The following MLXIP variants were observed in gnomAD, a reference collection of about 807,000 sequenced individuals.
The protein encoded by MLXIP is MLX-interacting protein.
MLXIP carries 30 observed loss-of-function variants against 87.2 expected under a neutral mutation model. That is an observed-to-expected ratio of 0.34 (90% CI 0.26 to 0.47). The LOEUF (loss-of-function observed/expected upper bound fraction) is 0.47, where lower values mean the gene tolerates loss of function less well. MLXIP is among the 20% of genes least tolerant of loss of function. MLXIP has a pLI of 1.00. For missense variants in MLXIP, 1,002 were observed against 1,240.1 expected, an observed-to-expected ratio of 0.81 and a Z score of 2.88; for synonymous variants, 530 against 514.0, an observed-to-expected ratio of 1.03 and a Z score of -0.42.
At chr12:122,124,153 TGTCCCCCACCCTCAGCC>T (rs1196994145) in intron 1 of MLXIP, among the ~76,000 whole-genome samples, 1 of 119,960 alleles carries the variant, frequency 8.3e-6, no homozygotes, top group East Asian at 2.6e-4. Context: ...CCGCCTCAGC[TGTCCCCCACCCTCAGCC>T]GTCCCCCGCC....
At chr12:122,119,327 A>T (rs1952742220) in intron 1 of MLXIP, among the ~76,000 whole-genome samples, 1 of 152,210 alleles carries the variant, frequency 6.6e-6, no homozygotes, top group African/African-American at 2.4e-5. Context: ...GTTACCACAT[A>T]GAAATGTGTT....
intron 1 of MLXIP, among the ~76,000 whole-genome samples, chr12:122,087,543 C>T (rs1017825834): frequency 1.3e-5 from 2 of 152,136 alleles, no homozygotes; most frequent in African/African-American, 2.4e-5. Context: ...CAGAGGCCTT[C>T]GCTGGAGTGA....
At chr12:122,094,549 G>GTT (rs1952316645) in intron 1 of MLXIP, among the ~76,000 whole-genome samples, 1 of 144,916 alleles carries the variant, frequency 6.9e-6, no homozygotes, top group African/African-American at 2.6e-5. Context: ...GTTGGTGTGT[G>GTT]GGTGTGTTTG....
chr12:122,080,306 C>T (rs574585083), intron 1 of MLXIP, among the ~76,000 whole-genome samples: 3 of 152,132 alleles, frequency 2.0e-5, no homozygotes, highest in Non-Finnish European at 4.4e-5. Context: ...CGGGGGCTGT[C>T]TTAGGTCTGC....
In MLXIP at chr12:122,129,586, A is replaced by T; in HGVS notation, c.697-2A>T. The T allele has an allele frequency of 1.2e-6, 2 of 1,613,574 alleles. No homozygotes were observed. Among genetic ancestry groups the T allele is most frequent in the Non-Finnish European group, 1.7e-6 (2 of 1,179,796 alleles). The stretch of plus-strand genomic sequence containing the variant: ...CGCCGTGTCCTGTCCCTTTGCCCAC[A>T]GCTACAGCAGCACAAGGATGAGGAC... On this transcript the variant is annotated splice_acceptor_variant, in intron 4 of 16. Transcript: ENST00000319080. LOFTEE classifies it high-confidence loss of function.
Position 122,133,583 on chromosome 12 carries a change from C to T in MLXIP, c.1328C>T (p.Pro443Leu), listed in dbSNP as rs775659683. ...TMPLLSPSPA[P>L]PPISPVLPLV... ...CCCCTGCTGTCTCCCAGCCCCGCCC[C>T]ACCGCCCATCTCCCCCGTGTTACCA... Residue 443 changes from proline to leucine, a missense_variant, in exon 9 of 17, where the codon CCA becomes CTA. This residue lies in a region of MLXIP where 746 missense variants were observed against 897.0 expected (regional missense o/e 0.83). Coordinates refer to ENST00000319080, the MANE Select transcript of MLXIP (RefSeq NM_014938.6). This position sits in a 1 kb window ranked among gnomAD's most constrained non-coding sequence, Gnocchi z 4.9. 2 of 1,606,734 alleles carry T rather than the reference C, an allele frequency of 1.2e-6. No individual in the cohort carries two copies. The highest frequency in any genetic ancestry group is 2.3e-5 in the East Asian group (1 of 44,324).
chr12:122,133,249 C>T lies in MLXIP; in HGVS notation c.1093-99C>T. On this transcript the variant is annotated intron_variant, in intron 8 of 16. Coordinates refer to ENST00000319080, the MANE Select transcript of MLXIP (RefSeq NM_014938.6). This position sits in a 1 kb window ranked among gnomAD's most constrained non-coding sequence, Gnocchi z 4.9. ...AGACGTGGCCTTTGTCCCTCTGTCCCAGCGCCCGGCCTGTGTAGTTGGACT... is the reference window on the plus strand; with the variant it reads ...AGACGTGGCCTTTGTCCCTCTGTCCTAGCGCCCGGCCTGTGTAGTTGGACT... 1 of 1,403,294 alleles carries T rather than the reference C, an allele frequency of 7.1e-7. No individual in the cohort carries two copies. Among genetic ancestry groups the T allele is most frequent in the Non-Finnish European group, 9.5e-7 (1 of 1,050,476 alleles). The allele number at this position is 1,403,294 out of a possible 1,614,324, so 86.9% of individuals were successfully genotyped here. A position where few individuals can be genotyped will look rare whatever the true frequency, so the allele number is the denominator to read the frequency against.
At chr12:122,111,397 T>C (rs1952604601) in intron 1 of MLXIP, among the ~76,000 whole-genome samples, 1 of 152,240 alleles carries the variant, frequency 6.6e-6, no homozygotes, top group Non-Finnish European at 1.5e-5. Flanking sequence ...GCCAGGTGTC[T>C]GCAATTGGGT....
chr12:122,120,833 CAGGGAGT>C (rs1260066146), intron 1 of MLXIP, among the ~76,000 whole-genome samples: 1 of 151,990 alleles, frequency 6.6e-6, no homozygotes, highest in African/African-American at 2.4e-5. Context: ...ACCTGTCTGT[CAGGGAGT>C]AGGGAGGAAG....
chr12:122,091,306 T>G (rs1294447039), intron 1 of MLXIP, among the ~76,000 whole-genome samples: 1 of 152,190 alleles, frequency 6.6e-6, no homozygotes, highest in African/African-American at 2.4e-5. Context: ...GAAAGTGACC[T>G]CCTTGGAGCA....
intron 8 of MLXIP, 120 bp downstream of exon 8, chr12:122,132,503 G>C: frequency 1.3e-6 from 1 of 776,324 alleles, no homozygotes; most frequent in South Asian, 1.6e-5. Flanking sequence ...AAAGCGCCAA[G>C]CAGTGCTAGA....
chr12:122,115,071 A>G (rs1449721821), intron 1 of MLXIP, among the ~76,000 whole-genome samples: 1 of 151,688 alleles, frequency 6.6e-6, no homozygotes, highest in East Asian at 1.9e-4. Context: ...TTTGCTACAC[A>G]ATATTATCAC....
At chr12:122,118,994 G>A (rs948526760) in intron 1 of MLXIP, among the ~76,000 whole-genome samples, 10 of 151,902 alleles carry the variant, frequency 6.6e-5, no homozygotes, top group Admixed American at 6.6e-5. Context: ...GTGAAACCCC[G>A]TCTCTACTAA....
At chr12:122,086,848 T>C (rs1412878603) in intron 1 of MLXIP, among the ~76,000 whole-genome samples, 2 of 152,170 alleles carry the variant, frequency 1.3e-5, no homozygotes, top group South Asian at 2.1e-4. Context: ...TCTTCTTCAC[T>C]GTCCGGCCAG....
At chr12:122,138,611 C>T in intron 14 of MLXIP, 60 bp downstream of exon 14, 1 of 1,562,298 alleles carries the variant, frequency 6.4e-7, no homozygotes. Flanking sequence ...GGGCCTGCCT[C>T]AGAGGTGGTG....
chr12:122,131,403 T>C (rs1952975720), intron 7 of MLXIP, among the ~76,000 whole-genome samples: 1 of 151,102 alleles, frequency 6.6e-6, no homozygotes, highest in African/African-American at 2.4e-5. Context: ...CCCTGGGCCA[T>C]GTGGGGTTTA....
intron 1 of MLXIP, 33 bp downstream of exon 1, chr12:122,079,299 C>A: frequency 6.5e-7 from 1 of 1,535,262 alleles, no homozygotes; most frequent in Non-Finnish European, 8.8e-7. Context: ...GAGGCCCCGG[C>A]CGGAGGCCCT....
intron 1 of MLXIP, among the ~76,000 whole-genome samples, chr12:122,091,028 T>A: frequency 6.6e-6 from 1 of 151,870 alleles, no homozygotes; most frequent in East Asian, 1.9e-4. Context: ...TGTTCTAAAA[T>A]TAGGGTGGCG....
intron 1 of MLXIP, among the ~76,000 whole-genome samples, chr12:122,098,054 G>A (rs1458988294): frequency 6.6e-6 from 1 of 152,250 alleles, no homozygotes; most frequent in African/African-American, 2.4e-5. Flanking sequence ...AGAGGAGCTG[G>A]CAGGGCCTGT....
Sources: allele counts gnomAD v4.1 joint callset (sites outside exome capture counted in the v4.1 genomes callset), GRCh38; gene constraint gnomAD v4.1.1; regional missense constraint gnomAD v4.1.1; non-coding constraint Gnocchi (gnomAD v3.1); transcripts MANE v1.5; gene names NCBI Gene and HGNC (gene_info 2026-07-23, HGNC 2026-07-21).